RSRC1: variants seen among roughly 807,000 people sequenced by gnomAD.
RSRC1 encodes arginine and serine rich coiled-coil 1, also known as serine/Arginine-related protein 53.
A neutral mutation model predicts 49.1 loss-of-function variants in RSRC1; 39 were observed. The observed-to-expected ratio is 0.79, with a 90% CI of 0.61 to 1.04. RSRC1 has a LOEUF of 1.04. Among genes scored for constraint, RSRC1 ranks in the 50% least tolerant of loss-of-function variants. The probability of loss-of-function intolerance (pLI) is 0.00; values close to 1 mark genes in which losing one functional copy is unlikely to be tolerated. For missense variants in RSRC1, 388 were observed against 402.4 expected, an observed-to-expected ratio of 0.96 and a Z score of 0.31; for synonymous variants, 143 against 130.8, an observed-to-expected ratio of 1.09 and a Z score of -0.63.
intron 3 of RSRC1, among the ~76,000 whole-genome samples, chr3:158,178,827 G>GTT (rs1719417557): frequency 6.6e-6 from 1 of 151,982 alleles, no homozygotes; most frequent in Non-Finnish European, 1.5e-5. Flanking sequence ...TTTCAGGGAT[G>GTT]TTTTACAGTA....
chr3:158,374,009 C>T (rs546467090), intron 6 of RSRC1, among the ~76,000 whole-genome samples: 51 of 152,056 alleles, frequency 3.4e-4, no homozygotes, highest in African/African-American at 1.0e-3. Flanking sequence ...TAATAATGGG[C>T]GATATGTCCC....
At chr3:158,514,173 T>A (rs922309878) in intron 7 of RSRC1, among the ~76,000 whole-genome samples, 2 of 152,200 alleles carry the variant, frequency 1.3e-5, no homozygotes, top group Non-Finnish European at 2.9e-5. Flanking sequence ...TGAATGTGTT[T>A]CCTCTTGCTT....
At chr3:158,514,494 A>C (rs1022078485) in intron 7 of RSRC1, among the ~76,000 whole-genome samples, 11 of 152,028 alleles carry the variant, frequency 7.2e-5, no homozygotes, top group Admixed American at 1.3e-4. Flanking sequence ...GTTTGTTATA[A>C]TTTCTGGTCT....
chr3:158,416,449 A>G (rs1195701268), intron 6 of RSRC1, among the ~76,000 whole-genome samples: 1 of 152,028 alleles, frequency 6.6e-6, no homozygotes, highest in African/African-American at 2.4e-5. Context: ...TGCTCCTGGA[A>G]TCTAGCCTCT....
At chr3:158,410,565 T>C (rs534954142) in intron 6 of RSRC1, among the ~76,000 whole-genome samples, 6 of 152,274 alleles carry the variant, frequency 3.9e-5, no homozygotes, top group African/African-American at 1.4e-4. Flanking sequence ...TCAGACCGTA[T>C]CTGTTTTGTA....
chr3:158,531,049 C>A (rs1451504836), intron 7 of RSRC1, among the ~76,000 whole-genome samples: 1 of 148,388 alleles, frequency 6.7e-6, no homozygotes, highest in Non-Finnish European at 1.5e-5. Context: ...CTTTACTGCC[C>A]TTTAAATTTC....
intron 6 of RSRC1, among the ~76,000 whole-genome samples, chr3:158,456,088 C>G (rs1316144326): frequency 2.0e-5 from 3 of 150,278 alleles, no homozygotes; most frequent in Non-Finnish European, 4.4e-5. Flanking sequence ...CCTTGAACAC[C>G]TGCTGTATTA....
At position 158,517,199 on chromosome 3, in the gene RSRC1, G is replaced by C. The variant is rs907832155; in HGVS notation, c.653-19893G>C. 1.1e-4 allele frequency among the ~76,000 whole-genome samples: 16 copies of C among 151,920 alleles called. No individual in the cohort carries two copies. In the South Asian group the frequency reaches 2.5e-3, roughly 24 times the overall value. ...ATTATCATTTTACAATTAATTTTCTGTTCAGGGCTGCTATATAGAAATGAA... is the reference window on the plus strand; with the variant it reads ...ATTATCATTTTACAATTAATTTTCTCTTCAGGGCTGCTATATAGAAATGAA... On this transcript the variant is annotated intron_variant, in intron 7 of 9. Coordinates refer to ENST00000611884, the MANE Select transcript of RSRC1 (RefSeq NM_001271838.2).
intron 3 of RSRC1, among the ~76,000 whole-genome samples, chr3:158,198,776 G>T (rs1445240801): frequency 6.6e-6 from 1 of 152,134 alleles, no homozygotes; most frequent in African/African-American, 2.4e-5. Flanking sequence ...GATGTAGACT[G>T]GAGCTGTTCG....
chr3:158,392,689 G>C (rs1733384842), intron 6 of RSRC1, among the ~76,000 whole-genome samples: 1 of 151,916 alleles, frequency 6.6e-6, no homozygotes, highest in Admixed American at 6.6e-5. Flanking sequence ...CAAGTTTTTA[G>C]AGATCTACAA....
chr3:158,341,533 G>A (rs1192933770), intron 5 of RSRC1, among the ~76,000 whole-genome samples: 1 of 152,184 alleles, frequency 6.6e-6, no homozygotes, highest in Admixed American at 6.5e-5. Context: ...TGAGGGTTGG[G>A]AACCTGTGCC....
chr3:158,417,421 T>C lies in RSRC1; in HGVS notation c.584-43514T>C, dbSNP rs534915436. 6.8e-4 allele frequency among the ~76,000 whole-genome samples: 103 copies of C among 152,182 alleles called. No individual in the cohort carries two copies. The South Asian group carries it at 7.9e-3, about 12-fold the overall frequency. Reference sequence around the variant, plus strand: ...TTCCTTTCCTCTCCTGTAGCTTTTATGTAGAAATCAGAAGTTTCCTACCTC... The same window carrying C: ...TTCCTTTCCTCTCCTGTAGCTTTTACGTAGAAATCAGAAGTTTCCTACCTC... On this transcript the variant is annotated intron_variant, in intron 6 of 9. Transcript: ENST00000611884.
At chr3:158,283,584 G>A (rs920119836) in intron 4 of RSRC1, among the ~76,000 whole-genome samples, 2 of 151,396 alleles carry the variant, frequency 1.3e-5, no homozygotes, top group East Asian at 1.9e-4. Flanking sequence ...TGGTGATATC[G>A]TTTTCTGTTG....
chr3:158,229,351 T>TAC (rs1722800148), intron 4 of RSRC1, among the ~76,000 whole-genome samples: 4 of 83,382 alleles, frequency 4.8e-5, no homozygotes, highest in African/African-American at 1.5e-4. Context: ...TATGTATATA[T>TAC]ATACACATAT....
chr3:158,229,288 AC>A (rs1722780503), intron 4 of RSRC1, among the ~76,000 whole-genome samples: 1 of 39,264 alleles, frequency 2.5e-5, no homozygotes, highest in Non-Finnish European at 4.7e-5. Flanking sequence ...ATAAACATAC[AC>A]ACACGTATAT....
intron 6 of RSRC1, among the ~76,000 whole-genome samples, chr3:158,441,374 T>A (rs923355572): frequency 1.3e-5 from 2 of 152,090 alleles, no homozygotes; most frequent in African/African-American, 4.8e-5. Flanking sequence ...AAACAAAGAC[T>A]TTTTTAAATA....
chr3:158,124,424 T>C (rs1715485093), intron 3 of RSRC1, among the ~76,000 whole-genome samples: 1 of 152,218 alleles, frequency 6.6e-6, no homozygotes, highest in Non-Finnish European at 1.5e-5. Context: ...AGAGTAATGC[T>C]GGCCTGATAA....
chr3:158,536,165 C>A (rs1051171869), intron 7 of RSRC1, among the ~76,000 whole-genome samples: 1 of 151,446 alleles, frequency 6.6e-6, no homozygotes, highest in South Asian at 2.1e-4. Flanking sequence ...AATGACACAG[C>A]GTCACCTATG....
At chr3:158,407,710 C>A (rs765956088) in intron 6 of RSRC1, among the ~76,000 whole-genome samples, 2 of 152,150 alleles carry the variant, frequency 1.3e-5, no homozygotes, top group East Asian at 3.9e-4. Flanking sequence ...AATAATAGTT[C>A]TTTTTAAAAA....
Sources: gnomAD v4.1 joint callset for allele counts (sites outside exome capture counted in the v4.1 genomes callset) on GRCh38, gnomAD v4.1.1 for gene constraint, MANE v1.5 for transcripts, NCBI Gene and HGNC (gene_info 2026-07-23, HGNC 2026-07-21) for gene names.